The following DPP10 variants were observed in gnomAD, a reference collection of about 807,000 sequenced individuals.
The protein encoded by DPP10 is inactive dipeptidyl peptidase 10.
Under a neutral mutation model 120.9 loss-of-function variants are expected in DPP10, and 33 were observed. The ratio of observed to expected loss-of-function variants is 0.27; its 90% CI spans 0.21 to 0.37. DPP10 has a LOEUF of 0.37. DPP10 is among the 10% of genes least tolerant of loss of function. The pLI is 1.00. For missense variants in DPP10, 816 were observed against 942.8 expected (o/e 0.87, Z 1.76); for synonymous variants, 337 against 326.1 (o/e 1.03, Z -0.36).
intron 5 of DPP10, among the ~76,000 whole-genome samples, chr2:115,635,501 T>G (rs2086253248): frequency 6.6e-6 from 1 of 152,122 alleles, no homozygotes; most frequent in Non-Finnish European, 1.5e-5. Context: ...TTTTCCTTAC[T>G]CTCCGTAGGT....
intron 3 of DPP10, among the ~76,000 whole-genome samples, chr2:115,432,708 C>T (rs1220587710): frequency 1.2e-5 from 1 of 83,540 alleles, no homozygotes; most frequent in Admixed American, 1.1e-4. Context: ...TGTCTTTTAG[C>T]TCAGTGGTTA....
chr2:115,569,589 T>G (rs2081222440), intron 5 of DPP10, among the ~76,000 whole-genome samples: 1 of 152,222 alleles, frequency 6.6e-6, no homozygotes, highest in South Asian at 2.1e-4. Context: ...AGGGATATTT[T>G]TGGTCTATTT....
rs1326812382 is a variant in DPP10 at position 115,768,285 on chromosome 2, T to G, written c.1114-12T>G. ...CCTTTCTGAGATTGTTCTGTGCTCT[T>G]CTGTATTTTAGAATGAGGAGCCCGT... On this transcript the variant is annotated splice_polypyrimidine_tract_variant and intron_variant, in intron 12 of 25. Coordinates refer to ENST00000410059, the MANE Select transcript of DPP10 (RefSeq NM_020868.6). The G allele has an allele frequency of 6.2e-6, 10 of 1,612,412 alleles. No individual in the cohort carries two copies. The highest frequency in any genetic ancestry group is 8.5e-6 in the Non-Finnish European group (10 of 1,178,758).
intron 1 of DPP10, among the ~76,000 whole-genome samples, chr2:115,172,908 G>T (rs1205558828): frequency 6.6e-6 from 1 of 152,170 alleles, no homozygotes; most frequent in African/African-American, 2.4e-5. Flanking sequence ...TTAATATTGA[G>T]CTCCTGTTTT....
chr2:115,654,451 T>C (rs1255486756), intron 5 of DPP10, among the ~76,000 whole-genome samples: 1 of 151,876 alleles, frequency 6.6e-6, no homozygotes, highest in African/African-American at 2.4e-5. Context: ...TTTTCCTAAT[T>C]ATTATTCAGG....
chr2:114,666,273 C>T (rs1697914640), intron 1 of DPP10, among the ~76,000 whole-genome samples: 1 of 152,112 alleles, frequency 6.6e-6, no homozygotes, highest in African/African-American at 2.4e-5. Flanking sequence ...ATATAAACAT[C>T]TCAATGCACA....
intron 3 of DPP10, among the ~76,000 whole-genome samples, chr2:115,354,778 C>T (rs1041374517): frequency 1.3e-5 from 2 of 151,962 alleles, no homozygotes; most frequent in East Asian, 1.9e-4. Context: ...TCAACTCCCA[C>T]TTATGAGTGA....
chr2:115,763,020 A>G (rs925170298), intron 12 of DPP10, among the ~76,000 whole-genome samples: 6 of 152,236 alleles, frequency 3.9e-5, no homozygotes, highest in African/African-American at 1.4e-4. Flanking sequence ...GTTGTATTCT[A>G]GCTCACAATT....
intron 25 of DPP10, among the ~76,000 whole-genome samples, chr2:115,841,783 G>A (rs1471843951): frequency 6.6e-6 from 1 of 152,172 alleles, no homozygotes; most frequent in East Asian, 1.9e-4. Flanking sequence ...AAAGAGGCAA[G>A]GAAGACCTTA....
chr2:114,544,938 G>A (rs1248989945), intron 1 of DPP10, among the ~76,000 whole-genome samples: 1 of 151,706 alleles, frequency 6.6e-6, no homozygotes, highest in African/African-American at 2.4e-5. Context: ...TGCAACCTCC[G>A]CCTTCTGGGT....
chr2:114,681,445 A>G (rs1436052599), intron 1 of DPP10, among the ~76,000 whole-genome samples: 4 of 152,000 alleles, frequency 2.6e-5, no homozygotes, highest in East Asian at 1.9e-4. Flanking sequence ...AGCATTTATC[A>G]TCTATTTCAT....
At chr2:115,270,652 G>T (rs1456438510) in intron 1 of DPP10, among the ~76,000 whole-genome samples, 1 of 152,150 alleles carries the variant, frequency 6.6e-6, no homozygotes, top group Admixed American at 6.5e-5. Flanking sequence ...AACTGGGCCA[G>T]GGGTGAGGGC....
At chr2:114,474,376 A>G (rs1680197482) in intron 1 of DPP10, among the ~76,000 whole-genome samples, 1 of 152,248 alleles carries the variant, frequency 6.6e-6, no homozygotes, top group African/African-American at 2.4e-5. Context: ...TTATGTCAAC[A>G]AAACCTTAGC....
chr2:114,499,528 C>T (rs186763777), intron 1 of DPP10, among the ~76,000 whole-genome samples: 109 of 152,136 alleles, frequency 7.2e-4, no homozygotes, highest in African/African-American at 2.2e-3. Context: ...TTTGGGACTG[C>T]GCCATCTCCC....
intron 3 of DPP10, among the ~76,000 whole-genome samples, chr2:115,498,382 T>C (rs2076512985): frequency 6.6e-6 from 1 of 152,096 alleles, no homozygotes; most frequent in Non-Finnish European, 1.5e-5. Flanking sequence ...CTGCCAAAAG[T>C]GTCAGACACC....
At chr2:114,802,253 G>A (rs1684317211) in intron 1 of DPP10, among the ~76,000 whole-genome samples, 2 of 152,196 alleles carry the variant, frequency 1.3e-5, no homozygotes, top group Admixed American at 1.3e-4. Flanking sequence ...AATTTATAAT[G>A]AGAGGGCAGG....
At chr2:115,640,929 A>G (rs183751528) in intron 5 of DPP10, among the ~76,000 whole-genome samples, 45 of 152,282 alleles carry the variant, frequency 3.0e-4, no homozygotes, top group African/African-American at 1.0e-3. Flanking sequence ...TCTGTTAGCT[A>G]TCTGTTCACC....
At chr2:115,088,842 T>G (rs1456972436) in intron 1 of DPP10, among the ~76,000 whole-genome samples, 1 of 152,036 alleles carries the variant, frequency 6.6e-6, no homozygotes, top group East Asian at 1.9e-4. Flanking sequence ...AATTTTATGT[T>G]TCTTTTCCAC....
chr2:114,780,049 T>C (rs1179067916), intron 1 of DPP10, among the ~76,000 whole-genome samples: 1 of 151,824 alleles, frequency 6.6e-6, no homozygotes, highest in Non-Finnish European at 1.5e-5. Context: ...GGCAGGAGAA[T>C]GGTGTGAACC....
Sources: gnomAD v4.1 joint callset for allele counts (sites outside exome capture counted in the v4.1 genomes callset) on GRCh38, gnomAD v4.1.1 for gene constraint, MANE v1.5 for transcripts, NCBI Gene and HGNC (gene_info 2026-07-23, HGNC 2026-07-21) for gene names.